The following IKZF1 variants were observed in gnomAD, a reference collection of about 807,000 sequenced individuals.
The protein encoded by IKZF1 is IKAROS family zinc finger 1.
A neutral mutation model predicts 51.7 loss-of-function variants in IKZF1; 10 were observed. The observed-to-expected ratio is 0.19, with a 90% confidence interval of 0.12 to 0.33. The LOEUF is 0.33. Among genes scored for constraint, IKZF1 ranks in the 10% least tolerant of loss-of-function variants. IKZF1 has a pLI of 1.00. For synonymous variants in IKZF1, 280 were observed against 282.3 expected (o/e 0.99, Z 0.08); for missense variants, 484 against 707.5 (o/e 0.68, Z 3.58).
At chr7:50,365,286 G>A (rs80227860) in intron 3 of IKZF1, among the ~76,000 whole-genome samples, 1,615 of 152,290 alleles carry the variant, frequency 0.011, 35 homozygotes, top group African/African-American at 0.035. Flanking sequence ...GCCTGAACAC[G>A]GATGGTACAG....
chr7:50,343,484 G>A (rs1799591568), intron 3 of IKZF1, among the ~76,000 whole-genome samples: 1 of 152,112 alleles, frequency 6.6e-6, no homozygotes. Flanking sequence ...GTACAGCGGG[G>A]AGTAACTGGA....
intron 5 of IKZF1, 110 bp from the exon 6 acceptor site, chr7:50,387,235 G>C: frequency 7.2e-7 from 1 of 1,388,592 alleles, no homozygotes; most frequent in African/African-American, 1.5e-5. Flanking sequence ...AGCTCTCAAG[G>C]GTAGAATTTT....
At chr7:50,347,951 AT>A (rs891740304) in intron 3 of IKZF1, among the ~76,000 whole-genome samples, 72 of 152,290 alleles carry the variant, frequency 4.7e-4, no homozygotes, top group African/African-American at 1.6e-3. Flanking sequence ...CACCCATCCC[AT>A]TTCCCCGACT....
intron 1 of IKZF1, among the ~76,000 whole-genome samples, chr7:50,309,321 T>G (rs1367937059): frequency 6.6e-6 from 1 of 152,212 alleles, no homozygotes; most frequent in Non-Finnish European, 1.5e-5. Flanking sequence ...AGGTTAGGTT[T>G]GTTGAGAGAG....
At chr7:50,370,592 A>G (rs145390785) in intron 3 of IKZF1, among the ~76,000 whole-genome samples, 26 of 152,366 alleles carry the variant, frequency 1.7e-4, no homozygotes, top group African/African-American at 5.5e-4. Context: ...CCAACTTTAA[A>G]TAGCATCTGG....
chr7:50,317,878 C>T (rs911066837), intron 1 of IKZF1, among the ~76,000 whole-genome samples: 8 of 151,954 alleles, frequency 5.3e-5, no homozygotes, highest in Admixed American at 3.3e-4. Context: ...CAGGTCTCTG[C>T]TGAAAGCAGG....
At chr7:50,354,305 T>A (rs1187671298) in intron 3 of IKZF1, among the ~76,000 whole-genome samples, 2 of 152,158 alleles carry the variant, frequency 1.3e-5, no homozygotes, top group African/African-American at 4.8e-5. Flanking sequence ...CTGCTGTGGG[T>A]GCCCGGGCTT....
chr7:50,367,363 C>G (rs896744899), intron 3 of IKZF1, among the ~76,000 whole-genome samples: 4 of 152,046 alleles, frequency 2.6e-5, no homozygotes, highest in Admixed American at 6.6e-5. Flanking sequence ...CAGAATCTAC[C>G]AAATCTTAAG....
rs1818071887 is a variant in IKZF1 at position 50,401,267 on chromosome 7, G to A, written c.*640G>A. ...GAAAATGAATTGGTTGGGGAAAGTC[G>A]TGTCTGTCAGACTGCCCTGGGTGGA... On this transcript the variant is annotated 3_prime_UTR_variant, in exon 8 of 8. Coordinates refer to ENST00000331340, the MANE Select transcript of IKZF1 (RefSeq NM_006060.6). 2 of 231,226 alleles carry A rather than the reference G, an allele frequency of 8.6e-6. No individual in the cohort carries two copies. The highest frequency in any genetic ancestry group is 1.2e-4 in the East Asian group (2 of 16,380). 14.3% of individuals were successfully genotyped at this position (231,226 alleles called of 1,614,324 possible). A position where few individuals can be genotyped will look rare whatever the true frequency, so the allele number is the denominator to read the frequency against.
At chr7:50,362,217 A>C (rs751467591) in intron 3 of IKZF1, among the ~76,000 whole-genome samples, 3 of 152,230 alleles carry the variant, frequency 2.0e-5, no homozygotes, top group Non-Finnish European at 4.4e-5. Flanking sequence ...CATCACTGAC[A>C]TGTCCCATTT....
chr7:50,385,962 CT>C (rs1285130901), intron 5 of IKZF1, among the ~76,000 whole-genome samples: 2 of 152,190 alleles, frequency 1.3e-5, no homozygotes. Flanking sequence ...TTCTGTTCAC[CT>C]AAGAAAGAGA....
chr7:50,306,404 C>T (rs940658296), intron 1 of IKZF1, among the ~76,000 whole-genome samples: 4 of 152,082 alleles, frequency 2.6e-5, no homozygotes, highest in East Asian at 1.9e-4. Context: ...TTTTGTTTCA[C>T]GGTGAGAGTT....
intron 3 of IKZF1, among the ~76,000 whole-genome samples, chr7:50,373,463 C>T (rs965432311): frequency 2.0e-5 from 3 of 152,138 alleles, no homozygotes; most frequent in South Asian, 2.1e-4. Flanking sequence ...GAAGTCAAGC[C>T]GCGTAGGGGA....
At chr7:50,386,498 A>C (rs1813413379) in intron 5 of IKZF1, among the ~76,000 whole-genome samples, 1 of 152,196 alleles carries the variant, frequency 6.6e-6, no homozygotes, top group Non-Finnish European at 1.5e-5. Context: ...GCTGATCTGG[A>C]AGCTACACCA....
intron 3 of IKZF1, among the ~76,000 whole-genome samples, chr7:50,372,066 C>G (rs1023174433): frequency 6.6e-6 from 1 of 152,208 alleles, no homozygotes; most frequent in African/African-American, 2.4e-5. Context: ...GAGATACAAT[C>G]TGTAGTTGCA....
At chr7:50,316,917 A>G (rs1329003496) in intron 1 of IKZF1, among the ~76,000 whole-genome samples, 1 of 152,244 alleles carries the variant, frequency 6.6e-6, no homozygotes, top group East Asian at 1.9e-4. Flanking sequence ...TATATAAATT[A>G]GTTGACTAGT....
chr7:50,354,872 C>G (rs1424641812), intron 3 of IKZF1, among the ~76,000 whole-genome samples: 1 of 152,118 alleles, frequency 6.6e-6, no homozygotes, highest in Non-Finnish European at 1.5e-5. Context: ...AGGGAAGATA[C>G]TCAAGCGTAG....
chr7:50,306,086 C>T (rs937380577), intron 1 of IKZF1, among the ~76,000 whole-genome samples: 2 of 152,182 alleles, frequency 1.3e-5, no homozygotes, highest in Non-Finnish European at 2.9e-5. Flanking sequence ...CAAATCAGAT[C>T]ATTTGGGCTA....
chr7:50,357,027 C>T (rs562245845), intron 3 of IKZF1, among the ~76,000 whole-genome samples: 1 of 151,722 alleles, frequency 6.6e-6, no homozygotes, highest in Non-Finnish European at 1.5e-5. Flanking sequence ...CCCTGACTGC[C>T]GACTCACCGG....
Sources: allele counts gnomAD v4.1 joint callset (sites outside exome capture counted in the v4.1 genomes callset), GRCh38; gene constraint gnomAD v4.1.1; transcripts MANE v1.5; gene names NCBI Gene and HGNC (gene_info 2026-07-23, HGNC 2026-07-21).